MBOAT2: variants seen among roughly 807,000 people sequenced by gnomAD.
MBOAT2 encodes membrane-bound glycerophospholipid O-acyltransferase 2.
In MBOAT2, 28 loss-of-function variants were observed where a neutral mutation model predicts 63.4. The ratio of observed to expected loss-of-function variants is 0.44; its 90% CI spans 0.33 to 0.61. The LOEUF (loss-of-function observed/expected upper bound fraction) is 0.61. Ranked by LOEUF, MBOAT2 falls within the 20% of genes least tolerant of loss-of-function variation. The probability of loss-of-function intolerance (pLI) is 0.03; values close to 1 mark genes in which losing one functional copy is unlikely to be tolerated. For missense variants in MBOAT2, 470 were observed against 605.8 expected (o/e 0.78, Z 2.35); for synonymous variants, 211 against 215.6 (o/e 0.98, Z 0.19).
rs551944597 is a variant in MBOAT2, at chr2:8,964,825, TCTC to T, written c.76-6186_76-6184del. Among the ~76,000 whole-genome samples, 64 of 152,372 alleles carry T rather than the reference TCTC, an allele frequency of 4.2e-4. 1 individual carries two copies. In the South Asian group the frequency reaches 0.013, roughly 32 times the overall value. Reference sequence around the variant, plus strand: ...TTTCTCTATTTTTTAAATGTGTATTTCTCCTGATTACTAGCCAGGATGAACATT... The same window carrying T: ...TTTCTCTATTTTTTAAATGTGTATTTCTGATTACTAGCCAGGATGAACATT... On this transcript the variant is annotated intron_variant, in intron 1 of 12. Coordinates refer to ENST00000305997, the MANE Select transcript of MBOAT2 (RefSeq NM_138799.4).
At position 8,905,342 on chromosome 2, in the gene MBOAT2, A is replaced by C. The variant is rs974700103; in HGVS notation, c.395+3279T>G. Among the ~76,000 whole-genome samples the C allele has an allele frequency of 3.3e-5, 5 of 152,242 alleles. No individual in the cohort carries two copies. The South Asian group carries it at 1.0e-3, about 32-fold the overall frequency. ...GGCTTTTTCTCCCTTGTGCCCATTA[A>C]AAAACAAAACAAAAAAAAACAAGAG... is the stretch of plus-strand genomic sequence containing the variant. On this transcript the variant is annotated intron_variant, in intron 4 of 12. Coordinates refer to ENST00000305997, the MANE Select transcript of MBOAT2 (RefSeq NM_138799.4).
In MBOAT2 at chr2:9,003,489, G is replaced by A; in HGVS notation, c.75+51C>T. ...GCCCCCGGTCGGGTGGCACCGCGGC[G>A]GGGAGGGGCGGCGAGGGCGCGACGC... is the stretch of plus-strand genomic sequence containing the variant. On this transcript the variant is annotated intron_variant, in intron 1 of 12. Transcript: ENST00000305997. This position sits in a 1 kb window ranked among gnomAD's most constrained non-coding sequence, Gnocchi z 5.4. 2 of 1,137,370 alleles carry A rather than the reference G, an allele frequency of 1.8e-6. No individual in the cohort carries two copies. Among genetic ancestry groups the A allele is most frequent in the Non-Finnish European group, 2.2e-6 (2 of 920,618 alleles). 70.5% of individuals were successfully genotyped at this position (1,137,370 alleles called of 1,614,324 possible). A position where few individuals can be genotyped will look rare whatever the true frequency, so the allele number is the denominator to read the frequency against.
At chr2:8,960,565 C>A (rs6744993) in intron 1 of MBOAT2, among the ~76,000 whole-genome samples, 7,561 of 152,102 alleles carry the variant, frequency 0.05, 361 homozygotes, top group African/African-American at 0.13. Context: ...CCGCTGATCT[C>A]CACAACCATA....
intron 4 of MBOAT2, among the ~76,000 whole-genome samples, chr2:8,899,174 T>C (rs1055289004): frequency 3.3e-5 from 5 of 152,198 alleles, no homozygotes; most frequent in African/African-American, 1.2e-4. Context: ...TCAGGGTTGA[T>C]TCCCTCTTCA....
intron 1 of MBOAT2, among the ~76,000 whole-genome samples, chr2:8,997,804 G>A (rs934617342): frequency 6.6e-5 from 10 of 152,206 alleles, no homozygotes; most frequent in African/African-American, 2.4e-4. Flanking sequence ...GGCTGGCAGA[G>A]TCTGGCTGCC....
intron 2 of MBOAT2, among the ~76,000 whole-genome samples, chr2:8,948,732 CA>C (rs1668601794): frequency 6.6e-6 from 1 of 152,178 alleles, no homozygotes; most frequent in Non-Finnish European, 1.5e-5. Flanking sequence ...TTTCTTCATC[CA>C]GTCCAGCACT....
intron 2 of MBOAT2, among the ~76,000 whole-genome samples, chr2:8,946,024 C>A (rs79911071): frequency 6.6e-6 from 1 of 152,076 alleles, no homozygotes; most frequent in Admixed American, 6.5e-5. Context: ...CAATACTGTA[C>A]GATATATGCT....
chr2:9,002,362 T>A (rs1029726292), intron 1 of MBOAT2, among the ~76,000 whole-genome samples: 1 of 152,194 alleles, frequency 6.6e-6, no homozygotes, highest in Admixed American at 6.5e-5. Flanking sequence ...ACAAAGCAGC[T>A]AGTATCCTAA....
chr2:8,926,231 C>T (rs1350966487), intron 3 of MBOAT2, among the ~76,000 whole-genome samples: 2 of 152,104 alleles, frequency 1.3e-5, no homozygotes, highest in Non-Finnish European at 2.9e-5. Context: ...TGGGCTCAAG[C>T]GATTCCCCTA....
intron 7 of MBOAT2, among the ~76,000 whole-genome samples, chr2:8,873,695 G>C (rs1344722844): frequency 1.3e-5 from 2 of 152,106 alleles, no homozygotes; most frequent in Non-Finnish European, 2.9e-5. Context: ...TGTCTTTTCT[G>C]TATTTTCCAA....
chr2:8,860,859 T>C (rs1356990435), intron 11 of MBOAT2, 95 bp from the exon 12 acceptor site: 3 of 999,122 alleles, frequency 3.0e-6, no homozygotes, highest in Non-Finnish European at 4.4e-6. Context: ...GGATGTGGAG[T>C]AGAGTAACTG....
At chr2:8,946,215 G>A (rs1053010822) in intron 2 of MBOAT2, among the ~76,000 whole-genome samples, 1 of 152,174 alleles carries the variant, frequency 6.6e-6, no homozygotes, top group Non-Finnish European at 1.5e-5. Context: ...CACAGATGAG[G>A]AAAGTGAAGC....
chr2:8,976,823 T>A (rs1223730042), intron 1 of MBOAT2, among the ~76,000 whole-genome samples: 2 of 152,130 alleles, frequency 1.3e-5, no homozygotes, highest in Non-Finnish European at 2.9e-5. Flanking sequence ...TCTGGTATAG[T>A]CATACAATAG....
At chr2:8,897,473 T>C (rs990566723) in intron 4 of MBOAT2, among the ~76,000 whole-genome samples, 1 of 152,224 alleles carries the variant, frequency 6.6e-6, no homozygotes, top group Non-Finnish European at 1.5e-5. Context: ...TTTCTTTCCA[T>C]ATTGCAGCAT....
At chr2:8,978,108 A>G (rs1670949544) in intron 1 of MBOAT2, among the ~76,000 whole-genome samples, 1 of 152,076 alleles carries the variant, frequency 6.6e-6, no homozygotes, top group South Asian at 2.1e-4. Context: ...CCATGATTAA[A>G]ATAAAATCTC....
chr2:8,944,814 A>G (rs1176166270), intron 2 of MBOAT2, among the ~76,000 whole-genome samples: 1 of 152,148 alleles, frequency 6.6e-6, no homozygotes, highest in African/African-American at 2.4e-5. Flanking sequence ...CAAATTTATG[A>G]TCTACCTCTT....
At chr2:8,908,426 C>T (rs890267543) in intron 4 of MBOAT2, 195 bp downstream of exon 4, 3 of 451,292 alleles carry the variant, frequency 6.6e-6, no homozygotes, top group African/African-American at 6.2e-5. Flanking sequence ...AGAAGCAGAA[C>T]AAGGCTCTTA....
Position 8,852,928 on chromosome 2 carries a change from T to C in MBOAT2, c.*5751A>G, listed in dbSNP as rs896548019. The stretch of plus-strand genomic sequence containing the variant: ...ACTAATTTATGAATCTGTTGAAAAA[T>C]AACACTTCTTTAAAAAAATATTTTG... On this transcript the variant is annotated 3_prime_UTR_variant, in exon 13 of 13. Coordinates refer to ENST00000305997, the MANE Select transcript of MBOAT2 (RefSeq NM_138799.4). 3.3e-5 allele frequency: 5 copies of C among 152,104 alleles called. No homozygotes were observed. Among genetic ancestry groups the C allele is most frequent in the African/African-American group, 1.2e-4 (5 of 41,402 alleles). The allele number at this position is 152,104 out of a possible 1,614,324, so 9.4% of individuals were successfully genotyped here. A position where few individuals can be genotyped will look rare whatever the true frequency, so the allele number is the denominator to read the frequency against.
intron 9 of MBOAT2, among the ~76,000 whole-genome samples, chr2:8,864,564 A>AAACTGGGGCGCCCAC (rs1661725902): frequency 6.6e-6 from 1 of 152,044 alleles, no homozygotes; most frequent in Non-Finnish European, 1.5e-5. Flanking sequence ...CTCACACTGA[A>AAACTGGGGCGCCCAC]AACTGGGGCG....
Sources: gnomAD v4.1 joint callset for allele counts (sites outside exome capture counted in the v4.1 genomes callset) on GRCh38, gnomAD v4.1.1 for gene constraint, Gnocchi (gnomAD v3.1) non-coding constraint, MANE v1.5 for transcripts, NCBI Gene and HGNC (gene_info 2026-07-23, HGNC 2026-07-21) for gene names.